SUGT1: variants seen among roughly 807,000 people sequenced by gnomAD.
SUGT1 encodes SGT1 assembly cochaperone of MIS12 kinetochore complex, also known as protein SGT1 homolog.
In SUGT1, 15 loss-of-function variants were observed where a neutral mutation model predicts 56.1. That is an observed-to-expected ratio of 0.27 (90% CI 0.18 to 0.41). The LOEUF (loss-of-function observed/expected upper bound fraction) is 0.41. Among genes scored for constraint, SUGT1 ranks in the 10% least tolerant of loss-of-function variants. The pLI, the probability that SUGT1 is intolerant of heterozygous loss-of-function variation, is 1.00. For missense variants in SUGT1, 347 were observed against 382.2 expected, an observed-to-expected ratio of 0.91 and a Z score of 0.77; for synonymous variants, 123 against 128.6, an observed-to-expected ratio of 0.96 and a Z score of 0.30.
intron 10 of SUGT1, among the ~76,000 whole-genome samples, chr13:52,673,432 G>T (rs1209959080): frequency 1.3e-5 from 2 of 152,116 alleles, no homozygotes; most frequent in African/African-American, 2.4e-5. Context: ...TTTTAAAAAA[G>T]CTACTTTAAG....
At position 52,687,794 on chromosome 13, in the gene SUGT1, G is replaced by A. The variant is rs760261787; in HGVS notation, c.961G>A (p.Glu321Lys). ...GTCTGATGTAGGTAAAAGGAAAGTT[G>A]AAATCAATCCTCCTGATGATATGGA... ...NWSDVGKRKV[E>K]INPPDDMEWK... The change falls in exon 13 of 13, where the codon GAA (glutamate) becomes AAA (lysine). Residue 321 changes from glutamate (E) to lysine (K), a missense_variant. By Grantham distance (56) the Glu-to-Lys change is moderately conservative. Coordinates refer to ENST00000310528, the MANE Select transcript of SUGT1 (RefSeq NM_006704.5). 2 of 1,602,190 alleles carry A rather than the reference G, an allele frequency of 1.2e-6. No individual in the cohort carries two copies. Among genetic ancestry groups the A allele is most frequent in the South Asian group, 1.1e-5 (1 of 88,200 alleles).
chr13:52,681,603 G>A (rs546894027), intron 12 of SUGT1, among the ~76,000 whole-genome samples: 1 of 152,146 alleles, frequency 6.6e-6, no homozygotes, highest in South Asian at 2.1e-4. Flanking sequence ...TTTAATCCCA[G>A]TGCTTTGGGA....
intron 5 of SUGT1, among the ~76,000 whole-genome samples, chr13:52,661,890 CA>C (rs1028348779): frequency 3.0e-4 from 45 of 152,124 alleles, no homozygotes; most frequent in African/African-American, 1.0e-3. Flanking sequence ...TTAAGATTTT[CA>C]AATTTATCTT....
intron 11 of SUGT1, among the ~76,000 whole-genome samples, chr13:52,676,800 G>A (rs1188118689): frequency 6.6e-6 from 1 of 152,108 alleles, no homozygotes; most frequent in African/African-American, 2.4e-5. Context: ...TTTAGAGATG[G>A]ACGCAAATAG....
intron 12 of SUGT1, chr13:52,687,390 A>G (rs554569570): frequency 4.0e-4 from 62 of 154,664 alleles, no homozygotes; most frequent in Admixed American, 2.6e-3. Flanking sequence ...TTTTTTTGGG[A>G]GCTAATAATA....
chr13:52,686,319 GATATGA>G (rs1475073104), intron 12 of SUGT1, among the ~76,000 whole-genome samples: 6 of 152,168 alleles, frequency 3.9e-5, no homozygotes, highest in African/African-American at 1.4e-4. Context: ...TTAGAACTAC[GATATGA>G]ATATTAGTAA....
intron 2 of SUGT1, among the ~76,000 whole-genome samples, chr13:52,655,975 A>G (rs2138103505): frequency 6.6e-6 from 1 of 152,312 alleles, no homozygotes; most frequent in Non-Finnish European, 1.5e-5. Context: ...CCCAAGGAGA[A>G]CATTAGTTTT....
chr13:52,683,799 A>G (rs1963466346), intron 12 of SUGT1, among the ~76,000 whole-genome samples: 1 of 152,168 alleles, frequency 6.6e-6, no homozygotes, highest in Non-Finnish European at 1.5e-5. Context: ...TCTATTTCAT[A>G]TGGGTGACTT....
At chr13:52,681,083 C>T (rs935695573) in intron 12 of SUGT1, among the ~76,000 whole-genome samples, 10 of 152,116 alleles carry the variant, frequency 6.6e-5, no homozygotes, top group Admixed American at 2.0e-4. Context: ...AGCAATCTAG[C>T]CGCCTCAGCC....
chr13:52,676,974 T>C (rs996933863), intron 11 of SUGT1, among the ~76,000 whole-genome samples: 3 of 152,212 alleles, frequency 2.0e-5, no homozygotes, highest in Non-Finnish European at 2.9e-5. Context: ...CACTCAGAAC[T>C]ACAACCTAAG....
At position 52,662,540 on chromosome 13, in the gene SUGT1, C is replaced by CGATCGGATA; in HGVS notation, c.329-109_329-108insGATCGGATA. On this transcript the variant is annotated intron_variant, in intron 5 of 12. Transcript: ENST00000310528. Reference sequence around the variant, plus strand: ...TAAGACAGGTTTTGTTCGCTGCCGACTCCCCAGTGCCTAGAACACTGCCTG... The same window carrying CGATCGGATA: ...TAAGACAGGTTTTGTTCGCTGCCGACGATCGGATATCCCCAGTGCCTAGAACACTGCCTG... 6 of 1,041,474 alleles carry CGATCGGATA rather than the reference C, an allele frequency of 5.8e-6. No individual in the cohort carries two copies. In the Admixed American group the frequency reaches 6.2e-5, roughly 11 times the overall value. 64.5% of individuals were successfully genotyped at this position (1,041,474 alleles called of 1,614,324 possible). A position where few individuals can be genotyped will look rare whatever the true frequency, so the allele number is the denominator to read the frequency against.
intron 3 of SUGT1, chr13:52,658,174 T>C: frequency 6.8e-7 from 1 of 1,472,150 alleles, no homozygotes; most frequent in Non-Finnish European, 9.0e-7. Context: ...GTGACACAGC[T>C]GTATTCATTG....
At chr13:52,655,886 A>C (rs561222084) in intron 2 of SUGT1, among the ~76,000 whole-genome samples, 38 of 152,358 alleles carry the variant, frequency 2.5e-4, no homozygotes, top group African/African-American at 7.0e-4. Flanking sequence ...ATCAGCATGC[A>C]TCAACACATA....
chr13:52,658,958 C>T (rs1404812939), intron 4 of SUGT1, among the ~76,000 whole-genome samples: 1 of 151,762 alleles, frequency 6.6e-6, no homozygotes, highest in Non-Finnish European at 1.5e-5. Context: ...CAAGTCTGTA[C>T]AATTAAAGTC....
rs1398471387 is a variant in SUGT1, at chr13:52,688,357, G to A, written c.*522G>A. Reference sequence around the variant, plus strand: ...GAGAACTTTGAGAAATTATCACAGGGAATTCCCATGTAGTTCTTTTAATGG... The same window carrying A: ...GAGAACTTTGAGAAATTATCACAGGAAATTCCCATGTAGTTCTTTTAATGG... On this transcript the variant is annotated 3_prime_UTR_variant, in exon 13 of 13. Coordinates refer to ENST00000310528, the MANE Select transcript of SUGT1 (RefSeq NM_006704.5). 6.6e-6 allele frequency: 1 copy of A among 152,326 alleles called. No individual in the cohort carries two copies. The highest frequency in any genetic ancestry group is 1.5e-5 in the Non-Finnish European group (1 of 68,026). The allele number at this position is 152,326 out of a possible 1,614,324, so 9.4% of individuals were successfully genotyped here.
In SUGT1 at chr13:52,687,982, C is replaced by T; in HGVS notation, c.*147C>T. ...TTGTGCTTTAGAAATTATTTTCCTT[C>T]AAGTGTTCAAGTCTAATGAAGAATG... On this transcript the variant is annotated 3_prime_UTR_variant, in exon 13 of 13. Coordinates refer to ENST00000310528, the MANE Select transcript of SUGT1 (RefSeq NM_006704.5). 2.0e-6 allele frequency: 1 copy of T among 490,176 alleles called. No homozygotes were observed. Among genetic ancestry groups the T allele is most frequent in the South Asian group, 3.6e-5 (1 of 28,078 alleles). 30.4% of individuals were successfully genotyped at this position (490,176 alleles called of 1,614,324 possible).
chr13:52,659,010 G>A (rs779590102), intron 4 of SUGT1, among the ~76,000 whole-genome samples, 169 bp from the exon 5 acceptor site: 5 of 151,796 alleles, frequency 3.3e-5, no homozygotes, highest in Non-Finnish European at 7.4e-5. Flanking sequence ...ATTTTAGTAG[G>A]AATTGTACTA....
At chr13:52,658,898 T>G (rs573196090) in intron 4 of SUGT1, among the ~76,000 whole-genome samples, 3 of 152,222 alleles carry the variant, frequency 2.0e-5, no homozygotes, top group South Asian at 4.1e-4. Flanking sequence ...GTATAACTAT[T>G]CTTTAAGAAA....
rs9596671 is a variant in SUGT1, at chr13:52,693,676, G to T, written c.*5841G>T. ...TGAATGAATTCATGTAACTCCACAGGTATCTTAATCCAGAAGGCTCAAAAT... is the reference window on the plus strand; with the variant it reads ...TGAATGAATTCATGTAACTCCACAGTTATCTTAATCCAGAAGGCTCAAAAT... On this transcript the variant is annotated 3_prime_UTR_variant, in exon 13 of 13. Transcript: ENST00000310528. 145,678 of 152,268 alleles carry T rather than the reference G, an allele frequency of 0.96. 69,704 individuals are homozygous for T. The highest frequency in any genetic ancestry group is 0.99 in the East Asian group (5,132 of 5,176). 9.4% of individuals were successfully genotyped at this position (152,268 alleles called of 1,614,324 possible).
Sources: allele counts gnomAD v4.1 joint callset (sites outside exome capture counted in the v4.1 genomes callset), GRCh38; gene constraint gnomAD v4.1.1; transcripts MANE v1.5; gene names NCBI Gene and HGNC (gene_info 2026-07-23, HGNC 2026-07-21).